Variants in ANTXRL observed in about 807,000 individuals in gnomAD.
ANTXRL encodes ANTXR like.
ANTXRL carries 63 observed loss-of-function variants against 75.4 expected under a neutral mutation model. That is an observed-to-expected ratio of 0.84 (90% CI 0.68 to 1.03). The LOEUF (loss-of-function observed/expected upper bound fraction) is 1.03, where lower values mean the gene tolerates loss of function less well. ANTXRL is among the 50% of genes least tolerant of loss of function. The pLI is 0.00. For synonymous variants in ANTXRL, 335 were observed against 291.3 expected (o/e 1.15, Z -1.53); for missense variants, 797 against 789.4 (o/e 1.01, Z -0.12).
rs781783959 is a variant in ANTXRL, at chr10:46,329,645, C to T, written c.1457C>T (p.Ala486Val). 1.6e-5 allele frequency: 25 copies of T among 1,536,482 alleles called. No homozygotes were observed. The African/African-American group carries it at 2.1e-4, about 13-fold the overall frequency. ...CTTGCACAGTCCCAATATGCACAGG[C>T]TCCCTGCTGCCCAAGGATCTGCTTT... ...LALAQSQYAQ[A>V]PCCPRICFPH... is the part of the protein sequence containing the mutation. The change falls in exon 17 of 17, where the codon GCT becomes GTT. Residue 486 changes from alanine to valine, a missense_variant. Physicochemically the swap from Ala to Val is moderately conservative, Grantham distance 64. Coordinates refer to ENST00000620264, the MANE Select transcript of ANTXRL (RefSeq NM_001278688.3).
chr10:46,307,988 A>C (rs1838193635), intron 12 of ANTXRL, among the ~76,000 whole-genome samples: 1 of 152,112 alleles, frequency 6.6e-6, no homozygotes, highest in Admixed American at 6.5e-5. Flanking sequence ...ACCCGAGCTC[A>C]GCTCCAAGAG....
chr10:46,324,681 CT>C (rs1839131168), intron 16 of ANTXRL, among the ~76,000 whole-genome samples: 1 of 152,010 alleles, frequency 6.6e-6, no homozygotes, highest in South Asian at 2.1e-4. Context: ...AATTATTTCT[CT>C]ATCATTTGAG....
At chr10:46,293,518 T>TGC (rs1837168499) in intron 2 of ANTXRL, among the ~76,000 whole-genome samples, 1 of 116,252 alleles carries the variant, frequency 8.6e-6, no homozygotes, top group African/African-American at 3.2e-5. Flanking sequence ...TGTGTGTGTG[T>TGC]GTGCCTCTGT....
intron 14 of ANTXRL, among the ~76,000 whole-genome samples, chr10:46,310,706 C>G (rs543518742): frequency 6.6e-6 from 1 of 152,086 alleles, no homozygotes; most frequent in Non-Finnish European, 1.5e-5. Flanking sequence ...TTAACATAAG[C>G]CTTGTCACCA....
chr10:46,293,554 TGA>T (rs1837176629), intron 2 of ANTXRL, among the ~76,000 whole-genome samples: 2 of 66,086 alleles, frequency 3.0e-5, no homozygotes, highest in African/African-American at 1.2e-4. Flanking sequence ...CATATGTGTG[TGA>T]GTGTGTGCCT....
intron 2 of ANTXRL, 124 bp downstream of exon 2, chr10:46,292,253 A>T: frequency 1.1e-6 from 1 of 877,652 alleles, no homozygotes; most frequent in South Asian, 1.6e-5. Context: ...GACACAGAGC[A>T]CAAGGTGGCA....
At chr10:46,311,088 A>C (rs1368345324) in intron 14 of ANTXRL, among the ~76,000 whole-genome samples, 1 of 152,072 alleles carries the variant, frequency 6.6e-6, no homozygotes, top group Non-Finnish European at 1.5e-5. Context: ...CCCAGGGGCC[A>C]TGGGCAGTGG....
At chr10:46,306,516 C>CT (rs1776549963) in intron 10 of ANTXRL, among the ~76,000 whole-genome samples, 2 of 152,192 alleles carry the variant, frequency 1.3e-5, no homozygotes, top group South Asian at 4.1e-4. Context: ...ATTGCACTCT[C>CT]TGTCATCTGT....
intron 10 of ANTXRL, among the ~76,000 whole-genome samples, chr10:46,304,137 C>T (rs1441932258): frequency 6.6e-6 from 1 of 152,116 alleles, no homozygotes; most frequent in Non-Finnish European, 1.5e-5. Context: ...GACTGAGCAG[C>T]CCCTTTCTAA....
chr10:46,310,260 C>T (rs1838345095), intron 13 of ANTXRL, among the ~76,000 whole-genome samples: 1 of 152,052 alleles, frequency 6.6e-6, no homozygotes. Flanking sequence ...ACAGGGGTTC[C>T]CCTTTGGTAA....
chr10:46,325,499 C>A (rs1554966290), intron 16 of ANTXRL, among the ~76,000 whole-genome samples: 3 of 152,122 alleles, frequency 2.0e-5, no homozygotes. Flanking sequence ...GCTAAGGCCA[C>A]CAATTCAGTC....
intron 9 of ANTXRL, among the ~76,000 whole-genome samples, chr10:46,298,523 G>A (rs1477439392): frequency 6.6e-6 from 1 of 151,788 alleles, no homozygotes; most frequent in African/African-American, 2.4e-5. Context: ...ATATGCGTGT[G>A]TGTGTGTGGT....
At chr10:46,304,951 A>G (rs539025761) in intron 10 of ANTXRL, among the ~76,000 whole-genome samples, 2 of 152,304 alleles carry the variant, frequency 1.3e-5, no homozygotes, top group Admixed American at 6.5e-5. Context: ...GCCAGCACCG[A>G]CGTCTCACAG....
chr10:46,308,094 G>A (rs1838199352), intron 12 of ANTXRL, among the ~76,000 whole-genome samples: 1 of 152,138 alleles, frequency 6.6e-6, no homozygotes, highest in African/African-American at 2.4e-5. Context: ...GCAGGAGGAT[G>A]TGCTGGAGGG....
chr10:46,297,720 T>C lies in ANTXRL; in HGVS notation c.655-111T>C, dbSNP rs1837467822. On this transcript the variant is annotated intron_variant, in intron 7 of 16. Coordinates refer to ENST00000620264, the MANE Select transcript of ANTXRL (RefSeq NM_001278688.3). ...GGAGAAGTCTGTGACATTCAGAGCC[T>C]GACATTCTGCTGCCCCCAAAGCATG... 6 of 1,044,148 alleles carry C rather than the reference T, an allele frequency of 5.7e-6. No homozygotes were observed. In the East Asian group the frequency reaches 1.0e-4, roughly 18 times the overall value. 64.7% of individuals were successfully genotyped at this position (1,044,148 alleles called of 1,614,324 possible).
intron 15 of ANTXRL, among the ~76,000 whole-genome samples, chr10:46,312,952 A>G (rs1407788930): frequency 1.3e-5 from 2 of 152,178 alleles, no homozygotes; most frequent in Non-Finnish European, 2.9e-5. Flanking sequence ...CTCTGCTCAG[A>G]ACCACAGGCT....
chr10:46,322,521 G>A (rs1839030746), intron 16 of ANTXRL, among the ~76,000 whole-genome samples: 1 of 150,832 alleles, frequency 6.6e-6, no homozygotes, highest in African/African-American at 2.4e-5. Flanking sequence ...AGTTTTTATT[G>A]TTTTCCCAGG....
In ANTXRL at chr10:46,287,216, G is replaced by A. The variant is rs1554955419; in HGVS notation, c.-47G>A. ...CCTGTGCTCAGCCTCTCTGGGCCCT[G>A]GCACAGGCACCCAAGAGTGAGGTGG... On this transcript the variant is annotated 5_prime_UTR_variant, in exon 1 of 17. Coordinates refer to ENST00000620264, the MANE Select transcript of ANTXRL (RefSeq NM_001278688.3). 1 of 1,526,586 alleles carries A rather than the reference G, an allele frequency of 6.6e-7. No homozygotes were observed. The highest frequency in any genetic ancestry group is 1.2e-5 in the South Asian group (1 of 82,110). 94.6% of individuals were successfully genotyped at this position (1,526,586 alleles called of 1,614,324 possible). A position where few individuals can be genotyped will look rare whatever the true frequency, so the allele number is the denominator to read the frequency against.
chr10:46,304,993 G>A (rs1319065215), intron 10 of ANTXRL, among the ~76,000 whole-genome samples: 2 of 152,218 alleles, frequency 1.3e-5, no homozygotes, highest in African/African-American at 4.8e-5. Flanking sequence ...GTGAGCACCT[G>A]CGTAGATGGC....
Sources: gnomAD v4.1 joint callset for allele counts (sites outside exome capture counted in the v4.1 genomes callset) on GRCh38, gnomAD v4.1.1 for gene constraint, MANE v1.5 for transcripts, NCBI Gene and HGNC (gene_info 2026-07-23, HGNC 2026-07-21) for gene names.